The following MAD1L1 variants were observed in gnomAD, a reference collection of about 807,000 sequenced individuals.
The protein encoded by MAD1L1 is mitotic spindle assembly checkpoint protein MAD1.
MAD1L1 carries 95 observed loss-of-function variants against 96.9 expected under a neutral mutation model. That is an observed-to-expected ratio of 0.98 (90% CI 0.83 to 1.16). The LOEUF (loss-of-function observed/expected upper bound fraction) is 1.16, where lower values mean the gene tolerates loss of function less well. Ranked by LOEUF, MAD1L1 falls within the 50% of genes most tolerant of loss-of-function variation. MAD1L1 has a pLI of 0.00. For synonymous variants in MAD1L1, 473 were observed against 396.6 expected, an observed-to-expected ratio of 1.19 and a Z score of -2.29; for missense variants, 1,007 against 954.4, an observed-to-expected ratio of 1.06 and a Z score of -0.73.
chr7:2,232,340 T>A (rs914087344), intron 1 of MAD1L1, among the ~76,000 whole-genome samples: 4 of 152,210 alleles, frequency 2.6e-5, no homozygotes, highest in African/African-American at 7.2e-5. Flanking sequence ...AATTCCTCCA[T>A]TGCCCAAACG....
rs888599845 is a variant in MAD1L1 at position 2,119,414 on chromosome 7, G to A, written c.1073+29738C>T. Among the ~76,000 whole-genome samples the A allele has an allele frequency of 8.5e-5, 13 of 152,248 alleles. No homozygotes were observed. The highest frequency in any genetic ancestry group is 2.0e-4 in the Admixed American group (3 of 15,292). On this transcript the variant is annotated intron_variant, in intron 11 of 18. Coordinates refer to ENST00000265854, the MANE Select transcript of MAD1L1 (RefSeq NM_001013836.2). This position sits in a 1 kb window ranked among gnomAD's most constrained non-coding sequence, Gnocchi z 4.6. ...AGTCCTCCATCTCCCACCCAGATGC[G>A]ATGAGCAGGAGCTGTCGTGGGGCGC...
At chr7:2,158,098 A>G (rs1789928022) in intron 10 of MAD1L1, among the ~76,000 whole-genome samples, 2 of 152,248 alleles carry the variant, frequency 1.3e-5, no homozygotes, top group African/African-American at 4.8e-5. Flanking sequence ...TCAGCTGCGA[A>G]GCCTTTTAAA....
At chr7:2,165,077 G>A (rs1184788021) in intron 10 of MAD1L1, among the ~76,000 whole-genome samples, 4 of 152,120 alleles carry the variant, frequency 2.6e-5, no homozygotes, top group Admixed American at 6.5e-5. Flanking sequence ...AGTGGCTCAC[G>A]CCTGTCATCC....
chr7:1,882,496 C>T (rs946909649), intron 18 of MAD1L1, among the ~76,000 whole-genome samples: 1 of 152,170 alleles, frequency 6.6e-6, no homozygotes, highest in Non-Finnish European at 1.5e-5. Flanking sequence ...GTGAGGGGCG[C>T]GCGGGCCGTG....
chr7:2,012,759 G>A (rs537374857), intron 13 of MAD1L1, among the ~76,000 whole-genome samples: 27 of 152,298 alleles, frequency 1.8e-4, no homozygotes, highest in East Asian at 9.7e-4. Flanking sequence ...GCCCTTCGGC[G>A]TGGCCTCCAT....
At chr7:1,908,722 C>A (rs541361532) in intron 17 of MAD1L1, among the ~76,000 whole-genome samples, 33 of 152,278 alleles carry the variant, frequency 2.2e-4, no homozygotes, top group Non-Finnish European at 4.6e-4. Context: ...TGTGGAGAAG[C>A]CTGAATCCGT....
intron 11 of MAD1L1, among the ~76,000 whole-genome samples, chr7:2,115,886 C>T (rs1220711720): frequency 6.6e-6 from 1 of 152,240 alleles, no homozygotes; most frequent in Non-Finnish European, 1.5e-5. Context: ...CGGGCTGTCC[C>T]ACTTCCCCTT....
chr7:1,957,774 G>A, intron 15 of MAD1L1, 55 bp from the exon 16 acceptor site: 1 of 1,544,818 alleles, frequency 6.5e-7, no homozygotes, highest in Non-Finnish European at 8.9e-7. Flanking sequence ...TGCTGGGGAA[G>A]TCCCACCCTC....
At chr7:1,904,087 T>G (rs1419837410) in intron 17 of MAD1L1, among the ~76,000 whole-genome samples, 191 of 56,960 alleles carry the variant, frequency 3.4e-3, no homozygotes, top group Middle Eastern at 0.033. Context: ...AGTGGCCTAC[T>G]GAAGACGCTC....
rs540889948 is a variant in MAD1L1 at position 2,019,681 on chromosome 7, G to A, written c.1219-5039C>T. On this transcript the variant is annotated intron_variant, in intron 12 of 18. Transcript: ENST00000265854. ...CCAGCCACCCCCCACACAAGGCCAC[G>A]CCTCGCCACCCTCCACCCACGCAAG... Among the ~76,000 whole-genome samples the A allele has an allele frequency of 5.8e-5, 8 of 138,474 alleles. No homozygotes were observed. The South Asian group carries it at 1.8e-3, about 31-fold the overall frequency. The allele number at this position is 138,474 out of a possible 152,430, so 90.8% of individuals were successfully genotyped here.
intron 11 of MAD1L1, among the ~76,000 whole-genome samples, chr7:2,116,561 GA>G (rs1430792996): frequency 2.1e-3 from 270 of 128,226 alleles, no homozygotes; most frequent in Non-Finnish European, 3.5e-3. Flanking sequence ...TGGCAGGCCA[GA>G]GGGTTGGGGG....
chr7:1,878,533 A>T (rs775901170), intron 18 of MAD1L1, among the ~76,000 whole-genome samples: 6 of 151,854 alleles, frequency 4.0e-5, no homozygotes, highest in Non-Finnish European at 5.9e-5. Flanking sequence ...TTACAATATC[A>T]ACAGAATAAT....
At position 1,879,782 on chromosome 7, in the gene MAD1L1, G is replaced by C. The variant is rs184980872; in HGVS notation, c.1998+18418C>G. Among the ~76,000 whole-genome samples, 22 of 152,298 alleles carry C rather than the reference G, an allele frequency of 1.4e-4. No individual in the cohort carries two copies. In the East Asian group the frequency reaches 3.7e-3, roughly 25 times the overall value. On this transcript the variant is annotated intron_variant, in intron 18 of 18. Coordinates refer to ENST00000265854, the MANE Select transcript of MAD1L1 (RefSeq NM_001013836.2). Reference sequence around the variant, plus strand: ...GTCTCACTCTGTCGCCCAAGCTGGAGTGCAGTGGCGCGATCTCGGCTCACT... The same window carrying C: ...GTCTCACTCTGTCGCCCAAGCTGGACTGCAGTGGCGCGATCTCGGCTCACT...
chr7:1,854,233 C>T (rs1784125709), intron 18 of MAD1L1: 4 of 347,734 alleles, frequency 1.2e-5, no homozygotes, highest in South Asian at 4.3e-5. Context: ...CCACCATGGC[C>T]CCGGTGCCTC....
chr7:2,152,530 C>T (rs1206949196), intron 10 of MAD1L1, among the ~76,000 whole-genome samples: 1 of 152,196 alleles, frequency 6.6e-6, no homozygotes, highest in Non-Finnish European at 1.5e-5. Context: ...ACAGTGAGCT[C>T]GATGACAGCC....
chr7:1,978,708 G>A (rs919225777), intron 15 of MAD1L1, among the ~76,000 whole-genome samples: 3 of 151,998 alleles, frequency 2.0e-5, no homozygotes, highest in South Asian at 2.1e-4. Context: ...ACAGGACCAC[G>A]TGCACCTCAC....
intron 11 of MAD1L1, among the ~76,000 whole-genome samples, chr7:2,113,003 A>G (rs1787460987): frequency 5.3e-5 from 8 of 152,222 alleles, no homozygotes; most frequent in Admixed American, 5.2e-4. Context: ...CCGTGAAGTA[A>G]AACAGAGAAG....
chr7:1,986,350 C>T (rs1049835451), intron 14 of MAD1L1, among the ~76,000 whole-genome samples: 1 of 151,814 alleles, frequency 6.6e-6, no homozygotes. Context: ...AGCTTGGAAC[C>T]ACACGCCAGT....
intron 1 of MAD1L1, among the ~76,000 whole-genome samples, chr7:2,232,228 T>G (rs1475343022): frequency 6.6e-6 from 1 of 152,212 alleles, no homozygotes; most frequent in East Asian, 1.9e-4. Context: ...TTTCTGAGTT[T>G]CCATTTAACA....
Sources: allele counts gnomAD v4.1 joint callset (sites outside exome capture counted in the v4.1 genomes callset), GRCh38; gene constraint gnomAD v4.1.1; non-coding constraint Gnocchi (gnomAD v3.1); transcripts MANE v1.5; gene names NCBI Gene and HGNC (gene_info 2026-07-23, HGNC 2026-07-21).